CSMD2: variants seen among roughly 807,000 people sequenced by gnomAD.
CSMD2 encodes the protein CUB and Sushi multiple domains 2.
Under a neutral mutation model 398.5 loss-of-function variants are expected in CSMD2, and 130 were observed. The ratio of observed to expected loss-of-function variants is 0.33; its 90% CI spans 0.28 to 0.38. The LOEUF is 0.38. Ranked by LOEUF, CSMD2 falls within the 10% of genes least tolerant of loss-of-function variation. The pLI is 1.00. For synonymous variants in CSMD2, 1,828 were observed against 1,908.5 expected, an observed-to-expected ratio of 0.96 and a Z score of 1.10; for missense variants, 3,829 against 4,764.9, an observed-to-expected ratio of 0.80 and a Z score of 5.78.
intron 5 of CSMD2, among the ~76,000 whole-genome samples, chr1:33,915,344 T>C (rs1643668721): frequency 6.6e-6 from 1 of 152,206 alleles, no homozygotes; most frequent in Non-Finnish European, 1.5e-5. Flanking sequence ...GAGAGCTGAT[T>C]CTTCCCACAC....
chr1:33,771,911 C>T (rs1651319483), intron 13 of CSMD2, among the ~76,000 whole-genome samples: 1 of 152,166 alleles, frequency 6.6e-6, no homozygotes, highest in Non-Finnish European at 1.5e-5. Context: ...CTCATCCTTG[C>T]CAATCCCAAC....
intron 1 of CSMD2, among the ~76,000 whole-genome samples, chr1:34,095,913 G>C (rs1659240318): frequency 6.6e-6 from 1 of 151,966 alleles, no homozygotes; most frequent in Admixed American, 6.6e-5. Context: ...CATTTTATGA[G>C]GCCAGCATCA....
At chr1:34,048,918 G>A (rs960895079) in intron 2 of CSMD2, among the ~76,000 whole-genome samples, 15 of 152,134 alleles carry the variant, frequency 9.9e-5, no homozygotes, top group African/African-American at 3.6e-4. Context: ...CAGGCACCAG[G>A]ACACTATGCC....
At chr1:33,704,424 G>T (rs1253813865) in intron 22 of CSMD2, among the ~76,000 whole-genome samples, 6 of 152,086 alleles carry the variant, frequency 3.9e-5, no homozygotes, top group Non-Finnish European at 7.4e-5. Context: ...AGGAAGTTTT[G>T]CCATTAAGTA....
At chr1:33,978,029 C>A (rs1335493155) in intron 3 of CSMD2, among the ~76,000 whole-genome samples, 1 of 152,066 alleles carries the variant, frequency 6.6e-6, no homozygotes, top group African/African-American at 2.4e-5. Flanking sequence ...TCTGGGCCAG[C>A]CCTGTCTAAA....
chr1:33,749,849 G>T (rs1270450816), intron 13 of CSMD2, among the ~76,000 whole-genome samples: 1 of 152,154 alleles, frequency 6.6e-6, no homozygotes, highest in Non-Finnish European at 1.5e-5. Flanking sequence ...GTGGGTAGGT[G>T]GTTTCATGGC....
At chr1:33,538,306 C>T (rs1406136035) in intron 60 of CSMD2, among the ~76,000 whole-genome samples, 1 of 152,176 alleles carries the variant, frequency 6.6e-6, no homozygotes, top group African/African-American at 2.4e-5. Context: ...TGTCTTTCCC[C>T]AAAGGGTACA....
At chr1:34,137,836 G>A (rs779374523) in intron 1 of CSMD2, among the ~76,000 whole-genome samples, 11 of 152,148 alleles carry the variant, frequency 7.2e-5, no homozygotes, top group Non-Finnish European at 1.5e-4. Context: ...TTAGGTAAAG[G>A]GGCTCAGAGG....
chr1:33,523,331 A>G lies in CSMD2; in HGVS notation c.10485T>C (p.Asp3495=). The part of the protein sequence containing the change: ...PVEIFMNKFK[D]DHWALDGHVS... ...CATGGCCATCTAAAGCCCAGTGATC[A>G]TCTTTGAACTTATTCATAAAGATCT... The change falls in exon 67 of 71, where the codon GAT becomes GAC. Residue 3495 remains aspartate, a synonymous_variant. Transcript: ENST00000373381. 1 of 1,579,296 alleles carries G rather than the reference A, an allele frequency of 6.3e-7. No homozygotes were observed. The highest frequency in any genetic ancestry group is 8.7e-7 in the Non-Finnish European group (1 of 1,149,264).
chr1:33,830,012 G>A (rs1199328999), intron 6 of CSMD2, among the ~76,000 whole-genome samples: 2 of 152,212 alleles, frequency 1.3e-5, no homozygotes, highest in East Asian at 3.9e-4. Context: ...TGGGAAGCTC[G>A]AACTGGGTGG....
chr1:33,956,131 T>G (rs1645160480), intron 3 of CSMD2, among the ~76,000 whole-genome samples: 1 of 152,164 alleles, frequency 6.6e-6, no homozygotes, highest in Non-Finnish European at 1.5e-5. Context: ...ATGTAGCATC[T>G]TAACCATTTT....
At chr1:34,076,466 T>C (rs1328844882) in intron 2 of CSMD2, among the ~76,000 whole-genome samples, 1 of 152,208 alleles carries the variant, frequency 6.6e-6, no homozygotes, top group Non-Finnish European at 1.5e-5. Flanking sequence ...TTTAGCAGAA[T>C]CCCTGGCCTC....
chr1:33,982,946 A>G (rs1488576712), intron 3 of CSMD2, among the ~76,000 whole-genome samples: 2 of 152,202 alleles, frequency 1.3e-5, no homozygotes, highest in African/African-American at 4.8e-5. Flanking sequence ...TAGGAGCCCA[A>G]GAAGGATGAA....
chr1:33,762,004 G>C (rs1050233142), intron 13 of CSMD2, among the ~76,000 whole-genome samples: 1 of 152,136 alleles, frequency 6.6e-6, no homozygotes, highest in African/African-American at 2.4e-5. Context: ...TTGTACATAA[G>C]GCCTAGAGGA....
At chr1:34,081,263 T>A (rs1379971046) in intron 2 of CSMD2, among the ~76,000 whole-genome samples, 1 of 151,928 alleles carries the variant, frequency 6.6e-6, no homozygotes, top group Non-Finnish European at 1.5e-5. Context: ...ACCCCCAGAG[T>A]AGCACCATTC....
intron 14 of CSMD2, among the ~76,000 whole-genome samples, chr1:33,740,441 G>A (rs1159403970): frequency 1.3e-5 from 2 of 152,174 alleles, no homozygotes; most frequent in African/African-American, 4.8e-5. Flanking sequence ...CCTAGTGATA[G>A]AAACATTTGC....
At chr1:33,923,702 A>C (rs1048556766) in intron 4 of CSMD2, among the ~76,000 whole-genome samples, 4 of 152,192 alleles carry the variant, frequency 2.6e-5, no homozygotes, top group African/African-American at 9.7e-5. Context: ...TATAGTCACC[A>C]TAGTCTGCTA....
At chr1:33,771,759 C>T (rs1049242170) in intron 13 of CSMD2, among the ~76,000 whole-genome samples, 1 of 152,150 alleles carries the variant, frequency 6.6e-6, no homozygotes, top group Non-Finnish European at 1.5e-5. Context: ...GGCTGCCTGC[C>T]TTTCCCTGAG....
chr1:34,087,293 A>G (rs538530388), intron 2 of CSMD2, among the ~76,000 whole-genome samples: 1 of 152,168 alleles, frequency 6.6e-6, no homozygotes, highest in South Asian at 2.1e-4. Flanking sequence ...TCACAGCCAT[A>G]AAAAAGGATG....
Sources: allele counts gnomAD v4.1 joint callset (sites outside exome capture counted in the v4.1 genomes callset), GRCh38; gene constraint gnomAD v4.1.1; transcripts MANE v1.5; gene names NCBI Gene and HGNC (gene_info 2026-07-23, HGNC 2026-07-21).